Variants in CSRNP3 observed in about 807,000 individuals in gnomAD.
CSRNP3 encodes cysteine and serine rich nuclear protein 3.
Under a neutral mutation model 48.0 loss-of-function variants are expected in CSRNP3, and 12 were observed. That is an observed-to-expected ratio of 0.25 (90% CI 0.16 to 0.41). CSRNP3 has a LOEUF of 0.41. CSRNP3 is among the 10% of genes least tolerant of loss of function. The pLI is 1.00. For missense variants in CSRNP3, 580 were observed against 724.4 expected, an observed-to-expected ratio of 0.80 and a Z score of 2.29; for synonymous variants, 263 against 269.7, an observed-to-expected ratio of 0.98 and a Z score of 0.24.
In CSRNP3 at chr2:165,681,800, T is replaced by C. The variant is rs1400848148; in HGVS notation, c.*2047T>C. The C allele has an allele frequency of 2.4e-5, 3 of 127,392 alleles. No individual in the cohort carries two copies. The highest frequency in any genetic ancestry group is 7.8e-5 in the Admixed American group (1 of 12,800). 7.9% of individuals were successfully genotyped at this position (127,392 alleles called of 1,614,324 possible). A position where few individuals can be genotyped will look rare whatever the true frequency, so the allele number is the denominator to read the frequency against. ...ACATACACATATATATACACATATA[T>C]GTATGTGTGTGTGTGTGTGTGTGTG... is the stretch of plus-strand genomic sequence containing the variant. On this transcript the variant is annotated 3_prime_UTR_variant, in exon 7 of 7. Coordinates refer to ENST00000651982, the MANE Select transcript of CSRNP3 (RefSeq NM_001172173.2).
chr2:165,605,112 C>A (rs2105305003), intron 4 of CSRNP3, among the ~76,000 whole-genome samples: 1 of 152,268 alleles, frequency 6.6e-6, no homozygotes. Context: ...AAGCCTCAGC[C>A]TCTTCTCTAT....
chr2:165,627,965 A>G (rs1301775811), intron 4 of CSRNP3, among the ~76,000 whole-genome samples: 2 of 152,212 alleles, frequency 1.3e-5, no homozygotes. Flanking sequence ...ATATCCCAGC[A>G]AATTGTACTG....
intron 4 of CSRNP3, among the ~76,000 whole-genome samples, chr2:165,630,631 T>G (rs945343675): frequency 2.6e-5 from 4 of 152,202 alleles, no homozygotes; most frequent in Admixed American, 1.3e-4. Context: ...CTCCCAGTTA[T>G]CAAATGACAG....
At chr2:165,492,380 T>C (rs529231793) in intron 1 of CSRNP3, among the ~76,000 whole-genome samples, 1 of 152,154 alleles carries the variant, frequency 6.6e-6, no homozygotes, top group Admixed American at 6.5e-5. Context: ...CTACACAGTC[T>C]AGCCCTGAAG....
At chr2:165,506,607 C>A (rs1424559233) in intron 2 of CSRNP3, among the ~76,000 whole-genome samples, 1 of 152,164 alleles carries the variant, frequency 6.6e-6, no homozygotes, top group African/African-American at 2.4e-5. Context: ...TTTGGGCCTC[C>A]AGTCTGAGGG....
In CSRNP3 at chr2:165,681,642, C is replaced by A. The variant is rs951957271; in HGVS notation, c.*1889C>A. ...TTTGGGTTTGTCTTTATGTAGGTTG[C>A]AGTAATGAGAGCAGGGTTGTTCCTT... On this transcript the variant is annotated 3_prime_UTR_variant, in exon 7 of 7. Transcript: ENST00000651982. The A allele has an allele frequency of 6.7e-6, 1 of 148,318 alleles. No homozygotes were observed. Among genetic ancestry groups the A allele is most frequent in the Non-Finnish European group, 1.5e-5 (1 of 67,380 alleles). The allele number at this position is 148,318 out of a possible 1,614,324, so 9.2% of individuals were successfully genotyped here. A position where few individuals can be genotyped will look rare whatever the true frequency, so the allele number is the denominator to read the frequency against.
At chr2:165,523,711 A>G (rs1306657127) in intron 3 of CSRNP3, among the ~76,000 whole-genome samples, 2 of 152,180 alleles carry the variant, frequency 1.3e-5, no homozygotes, top group Non-Finnish European at 2.9e-5. Context: ...CCAGAAAGTC[A>G]CAAACCACAA....
intron 4 of CSRNP3, among the ~76,000 whole-genome samples, chr2:165,602,558 T>C (rs1685933174): frequency 6.6e-6 from 1 of 152,210 alleles, no homozygotes; most frequent in African/African-American, 2.4e-5. Context: ...AAGATATTTA[T>C]GAGCTAGTAG....
chr2:165,628,725 C>CA (rs1052394157), intron 4 of CSRNP3, among the ~76,000 whole-genome samples: 26 of 151,428 alleles, frequency 1.7e-4, no homozygotes, highest in Admixed American at 6.6e-4. Flanking sequence ...ACTCTGTCTC[C>CA]AAAAAAAATA....
intron 1 of CSRNP3, among the ~76,000 whole-genome samples, chr2:165,492,039 TC>T (rs1684219135): frequency 6.6e-6 from 1 of 151,562 alleles, no homozygotes; most frequent in South Asian, 2.1e-4. Flanking sequence ...ACCTTAACCT[TC>T]CCTCCACTTT....
In CSRNP3 at chr2:165,682,991, T is replaced by C. The variant is rs1025019869; in HGVS notation, c.*3238T>C. The C allele has an allele frequency of 6.6e-6, 1 of 152,150 alleles. No individual in the cohort carries two copies. Among genetic ancestry groups the C allele is most frequent in the Non-Finnish European group, 1.5e-5 (1 of 68,012 alleles). The allele number at this position is 152,150 out of a possible 1,614,324, so 9.4% of individuals were successfully genotyped here. A position where few individuals can be genotyped will look rare whatever the true frequency, so the allele number is the denominator to read the frequency against. On this transcript the variant is annotated 3_prime_UTR_variant, in exon 7 of 7. Transcript: ENST00000651982. ...GCCCTGGCTATTCTAGTACCAGTCC[T>C]ATACCTTTAAATGGGACTTAATTCC... is the stretch of plus-strand genomic sequence containing the variant.
chr2:165,609,908 C>G (rs2105309084), intron 4 of CSRNP3, among the ~76,000 whole-genome samples: 1 of 152,292 alleles, frequency 6.6e-6, no homozygotes, highest in East Asian at 1.9e-4. Flanking sequence ...AGGGATGAAT[C>G]ACAGCCGCTA....
chr2:165,637,084 G>A (rs772182671), intron 4 of CSRNP3, among the ~76,000 whole-genome samples: 2 of 152,262 alleles, frequency 1.3e-5, no homozygotes, highest in East Asian at 1.9e-4. Flanking sequence ...ATGGCAGAAG[G>A]TATTGCTAGA....
intron 3 of CSRNP3, among the ~76,000 whole-genome samples, chr2:165,580,455 T>C (rs996141011): frequency 6.6e-6 from 1 of 152,190 alleles, no homozygotes; most frequent in African/African-American, 2.4e-5. Context: ...CCTAAGGTGG[T>C]GATTTACTTT....
Position 165,676,525 on chromosome 2 carries a change from T to C in CSRNP3, c.622T>C (p.Ser208Pro). The change falls in exon 6 of 7, where the codon TCA becomes CCA. Residue 208 changes from serine (S) to proline (P), a missense_variant. Physicochemically the swap from Ser to Pro is moderately conservative, Grantham distance 74. Coordinates refer to ENST00000651982, the MANE Select transcript of CSRNP3 (RefSeq NM_001172173.2). ...GCACGAACTCCGAGCCATCCGCCTC[T>C]CACGAGAGGACTGTGGCTGTGACTG... is the stretch of plus-strand genomic sequence containing the variant. Reference protein sequence around the residue: ...EKHELRAIRLSREDCGCDCRV... With the variant: ...EKHELRAIRLPREDCGCDCRV... 3 of 1,614,148 alleles carry C rather than the reference T, an allele frequency of 1.9e-6. No individual in the cohort carries two copies. The highest frequency in any genetic ancestry group is 2.5e-6 in the Non-Finnish European group (3 of 1,179,998).
chr2:165,618,202 C>T (rs187204394), intron 4 of CSRNP3, among the ~76,000 whole-genome samples: 2 of 152,314 alleles, frequency 1.3e-5, no homozygotes, highest in African/African-American at 4.8e-5. Flanking sequence ...ATATGGTTTA[C>T]TGAGGATCTC....
At chr2:165,575,932 T>G (rs1685443059) in intron 3 of CSRNP3, among the ~76,000 whole-genome samples, 1 of 151,988 alleles carries the variant, frequency 6.6e-6, no homozygotes, top group African/African-American at 2.4e-5. Context: ...CTTTTGAAAC[T>G]TTCAATAATG....
At chr2:165,600,592 C>T (rs540902107) in intron 4 of CSRNP3, among the ~76,000 whole-genome samples, 40 of 152,252 alleles carry the variant, frequency 2.6e-4, no homozygotes, top group South Asian at 1.7e-3. Flanking sequence ...CTCTCCAGCA[C>T]CTGTTGTTTC....
intron 4 of CSRNP3, among the ~76,000 whole-genome samples, chr2:165,601,161 C>T (rs1023730002): frequency 4.6e-5 from 7 of 152,140 alleles, no homozygotes; most frequent in African/African-American, 1.7e-4. Context: ...TGCTGTGAAA[C>T]GCTTTGTTTC....
Sources: allele counts gnomAD v4.1 joint callset (sites outside exome capture counted in the v4.1 genomes callset), GRCh38; gene constraint gnomAD v4.1.1; transcripts MANE v1.5; gene names NCBI Gene and HGNC (gene_info 2026-07-23, HGNC 2026-07-21).